The following ERCC4 variants were observed in gnomAD, a reference collection of about 807,000 sequenced individuals.
ERCC4 encodes ERCC excision repair 4, endonuclease catalytic subunit, also known as DNA repair endonuclease XPF.
In ERCC4, 65 loss-of-function variants were observed where a neutral mutation model predicts 76.9. The observed-to-expected ratio is 0.84, with a 90% CI of 0.69 to 1.04. ERCC4 has a LOEUF of 1.04. ERCC4 is among the 50% of genes least tolerant of loss of function. The pLI is 0.00. For missense variants in ERCC4, 1,214 were observed against 1,128.2 expected (o/e 1.08, Z -1.09); for synonymous variants, 463 against 410.1 (o/e 1.13, Z -1.56).
Position 13,948,399 on chromosome 16 carries a change from G to T in ERCC4, c.*52G>T. ...TGCCTGTACTTTTCAGCGGCTCCTT[G>T]CCAGACATCATAGGTCATTATTAAT... On this transcript the variant is annotated 3_prime_UTR_variant, in exon 11 of 11. Coordinates refer to ENST00000311895, the MANE Select transcript of ERCC4 (RefSeq NM_005236.3). 6.3e-7 allele frequency: 1 copy of T among 1,580,300 alleles called. No homozygotes were observed.
chr16:13,941,290 A>G (rs1356449822), intron 9 of ERCC4, among the ~76,000 whole-genome samples: 1 of 152,200 alleles, frequency 6.6e-6, no homozygotes, highest in African/African-American at 2.4e-5. Context: ...TCTACTTGTC[A>G]TAAATAAGAT....
chr16:13,932,180 A>G lies in ERCC4; in HGVS notation c.997A>G (p.Thr333Ala). The G allele has an allele frequency of 6.2e-7, 1 of 1,613,594 alleles. No homozygotes were observed. The highest frequency in any genetic ancestry group is 8.5e-7 in the Non-Finnish European group (1 of 1,179,544). The change falls in exon 6 of 11, where the codon ACC (threonine) becomes GCC (alanine). Residue 333 changes from threonine (T) to alanine (A), a missense_variant. By Grantham distance (58) the Thr-to-Ala change is moderately conservative. Transcript: ENST00000311895. ...AGGTTGGCTGTTTCTTGACTCCAGC[A>G]CCTCGATGTTTATAAATGCTCGAGC... is the stretch of plus-strand genomic sequence containing the variant. ...NSGWLFLDSS[T>A]SMFINARARV...
At chr16:13,934,116 G>A (rs2032236284) in intron 6 of ERCC4, 76 bp from the exon 7 acceptor site, 1 of 905,584 alleles carries the variant, frequency 1.1e-6, no homozygotes, top group Admixed American at 2.0e-5. Context: ...CGTGTTATCT[G>A]TTGTTTTAAA....
Position 13,926,829 on chromosome 16 carries a change from G to T in ERCC4, c.584+73G>T, listed in dbSNP as rs986184239. On this transcript the variant is annotated intron_variant, in intron 3 of 10. Coordinates refer to ENST00000311895, the MANE Select transcript of ERCC4 (RefSeq NM_005236.3). ...TGTTTGTGAGATCTACTGTAACTTAGTTGCACTTTGATGTAATATAATGTA... is the reference window on the plus strand; with the variant it reads ...TGTTTGTGAGATCTACTGTAACTTATTTGCACTTTGATGTAATATAATGTA... 2.2e-5 allele frequency: 26 copies of T among 1,197,422 alleles called. No individual in the cohort carries two copies. In the Admixed American group the frequency reaches 4.1e-4, roughly 19 times the overall value. The allele number at this position is 1,197,422 out of a possible 1,614,324, so 74.2% of individuals were successfully genotyped here. A position where few individuals can be genotyped will look rare whatever the true frequency, so the allele number is the denominator to read the frequency against.
intron 7 of ERCC4, 22 bp from the exon 8 acceptor site, chr16:13,935,124 T>A (rs1198137166): frequency 1.9e-6 from 3 of 1,549,618 alleles, no homozygotes; most frequent in Non-Finnish European, 2.7e-6. Context: ...AATAGTAACA[T>A]AATGTTGTTT....
rs1567247685 is a variant in ERCC4 at position 13,935,194 on chromosome 16, G to C, written c.1262G>C (p.Arg421Thr). 6.2e-7 allele frequency: 1 copy of C among 1,614,100 alleles called. No individual in the cohort carries two copies. The part of the protein sequence containing the change: ...ASDDRTCSQL[R>T]DYITLGAEAF... ...GATGACCGAACATGTTCCCAGCTGA[G>C]AGACTATATCACTCTTGGAGCGGAG... The change falls in exon 8 of 11, where the codon AGA (arginine) becomes ACA (threonine). Residue 421 changes from arginine (R) to threonine (T), a missense_variant. Coordinates refer to ENST00000311895, the MANE Select transcript of ERCC4 (RefSeq NM_005236.3).
intron 1 of ERCC4, among the ~76,000 whole-genome samples, chr16:13,921,433 C>G (rs150784099): frequency 6.6e-6 from 1 of 152,118 alleles, no homozygotes; most frequent in African/African-American, 2.4e-5. Context: ...AAAATGTCAG[C>G]TGAGAAGAGT....
chr16:13,923,318 T>C (rs542006023), intron 2 of ERCC4, among the ~76,000 whole-genome samples: 6 of 152,302 alleles, frequency 3.9e-5, no homozygotes, highest in Non-Finnish European at 7.4e-5. Context: ...AAATAACTGG[T>C]ACATGGTAGG....
chr16:13,939,177 G>T (rs1452884171), intron 9 of ERCC4, among the ~76,000 whole-genome samples: 1 of 152,136 alleles, frequency 6.6e-6, no homozygotes, highest in Non-Finnish European at 1.5e-5. Context: ...CTTGTTCCAG[G>T]CTCTTTGCTC....
intron 8 of ERCC4, 119 bp from the exon 9 acceptor site, chr16:13,937,647 T>C (rs558057252): frequency 8.2e-6 from 6 of 730,146 alleles, no homozygotes; most frequent in South Asian, 7.4e-5. Flanking sequence ...AACCTTTGAT[T>C]CTTAGTCAAA....
chr16:13,948,763 T>C lies in ERCC4; in HGVS notation c.*416T>C. 4.3e-6 allele frequency: 1 copy of C among 234,600 alleles called. No homozygotes were observed. Among genetic ancestry groups the C allele is most frequent in the Non-Finnish European group, 8.4e-6 (1 of 119,216 alleles). The allele number at this position is 234,600 out of a possible 1,614,324, so 14.5% of individuals were successfully genotyped here. ...AGCTACCATTTTTAACAGTCCTTGT[T>C]ATCTAGTGCAACATAAATAACAGTC... On this transcript the variant is annotated 3_prime_UTR_variant, in exon 11 of 11. Coordinates refer to ENST00000311895, the MANE Select transcript of ERCC4 (RefSeq NM_005236.3).
At chr16:13,934,107 G>C in intron 6 of ERCC4, 85 bp from the exon 7 acceptor site, 1 of 814,282 alleles carries the variant, frequency 1.2e-6, no homozygotes, top group Non-Finnish European at 2.1e-6. Flanking sequence ...ACTGATGCTC[G>C]TGTTATCTGT....
At chr16:13,937,369 GT>G (rs1453810100) in intron 8 of ERCC4, among the ~76,000 whole-genome samples, 24 of 152,196 alleles carry the variant, frequency 1.6e-4, no homozygotes, top group African/African-American at 5.8e-4. Flanking sequence ...TCATAGGCTG[GT>G]TTTCATAACT....
chr16:13,942,530 T>G (rs1005632010), intron 9 of ERCC4, among the ~76,000 whole-genome samples: 2 of 152,252 alleles, frequency 1.3e-5, no homozygotes, highest in African/African-American at 4.8e-5. Flanking sequence ...TAGTGCTTAC[T>G]AGGTGCCAGG....
At chr16:13,940,519 C>A (rs985372051) in intron 9 of ERCC4, among the ~76,000 whole-genome samples, 2 of 152,196 alleles carry the variant, frequency 1.3e-5, no homozygotes, top group Admixed American at 6.5e-5. Context: ...TGAGTCCTCC[C>A]AGCAACAGTG....
chr16:13,930,743 C>T lies in ERCC4; in HGVS notation c.826C>T (p.Gln276Ter), dbSNP rs2141948424. ...IRHYLDPLWH[Q>*]LGAKTKSLVQ... ...CCATTATCTGGATCCTTTGTGGCAC[C>T]AGCTTGGAGCCAAGACTAAATCCTT... Residue 276 changes from glutamine to a stop codon, truncating the protein, a stop_gained, in exon 5 of 11, where the codon CAG becomes TAG. Transcript: ENST00000311895. LOFTEE classifies it high-confidence loss of function. 6.2e-7 allele frequency: 1 copy of T among 1,613,858 alleles called. No individual in the cohort carries two copies. The highest frequency in any genetic ancestry group is 8.5e-7 in the Non-Finnish European group (1 of 1,179,820).
At chr16:13,922,441 T>G in intron 2 of ERCC4, 2 of 759,322 alleles carry the variant, frequency 2.6e-6, no homozygotes, top group South Asian at 2.7e-5. Context: ...TACTTTGTTG[T>G]GAATTGCACA....
intron 9 of ERCC4, among the ~76,000 whole-genome samples, chr16:13,943,767 C>G (rs775330399): frequency 2.0e-5 from 3 of 149,116 alleles, no homozygotes; most frequent in Non-Finnish European, 3.0e-5. Context: ...TTTGTTCCCT[C>G]GACATCAGTT....
chr16:13,942,583 C>G (rs2032433893), intron 9 of ERCC4, among the ~76,000 whole-genome samples: 1 of 152,210 alleles, frequency 6.6e-6, no homozygotes, highest in Admixed American at 6.5e-5. Context: ...ATCCTCATAA[C>G]AGTCTTTTGA....
Sources: allele counts gnomAD v4.1 joint callset (sites outside exome capture counted in the v4.1 genomes callset), GRCh38; gene constraint gnomAD v4.1.1; transcripts MANE v1.5; gene names NCBI Gene and HGNC (gene_info 2026-07-23, HGNC 2026-07-21).